The following PIP5K1B variants were observed in gnomAD, a reference collection of about 807,000 sequenced individuals.
The protein encoded by PIP5K1B is phosphatidylinositol 4-phosphate 5-kinase type-1 beta.
PIP5K1B carries 42 observed loss-of-function variants against 67.0 expected under a neutral mutation model. That is an observed-to-expected ratio of 0.63 (90% CI 0.49 to 0.81). The LOEUF (loss-of-function observed/expected upper bound fraction) is 0.81, where lower values mean the gene tolerates loss of function less well. Among genes scored for constraint, PIP5K1B ranks in the 30% least tolerant of loss-of-function variants. The pLI is 0.00. For synonymous variants in PIP5K1B, 214 were observed against 231.4 expected, an observed-to-expected ratio of 0.92 and a Z score of 0.68; for missense variants, 459 against 646.3, an observed-to-expected ratio of 0.71 and a Z score of 3.14.
rs1833043495 is a variant in PIP5K1B at position 68,809,458 on chromosome 9, A to G, written c.-85-9003A>G. Among the ~76,000 whole-genome samples, 3 of 152,280 alleles carry G rather than the reference A, an allele frequency of 2.0e-5. No homozygotes were observed. In the South Asian group the frequency reaches 6.2e-4, roughly 32 times the overall value. On this transcript the variant is annotated intron_variant, in intron 2 of 15. Coordinates refer to ENST00000265382, the MANE Select transcript of PIP5K1B (RefSeq NM_003558.4). ...CCTAGGTTTTCATGAATCCATATAAATTTCCACACATTTGTTTTTTATTCT... is the reference window on the plus strand; with the variant it reads ...CCTAGGTTTTCATGAATCCATATAAGTTTCCACACATTTGTTTTTTATTCT...
intron 8 of PIP5K1B, among the ~76,000 whole-genome samples, chr9:68,902,166 C>T (rs7855908): frequency 0.88 from 133,997 of 152,150 alleles, 59,925 homozygotes; most frequent in Non-Finnish European, 0.96. Context: ...TGTGCAATTT[C>T]AGACGTACAT....
chr9:68,708,539 C>CCA (rs1554702632), intron 1 of PIP5K1B, among the ~76,000 whole-genome samples: 2 of 71,582 alleles, frequency 2.8e-5, no homozygotes, highest in African/African-American at 1.6e-4. Flanking sequence ...CTTTTGTTTG[C>CCA]CGCCCCCCCG....
intron 11 of PIP5K1B, among the ~76,000 whole-genome samples, chr9:68,920,765 G>GTCTCTCTC (rs763092380): frequency 5.6e-4 from 81 of 145,434 alleles, no homozygotes; most frequent in Admixed American, 1.1e-3. Context: ...TTCCGTCTCT[G>GTCTCTCTC]TCTCTCTGTC....
intron 2 of PIP5K1B, among the ~76,000 whole-genome samples, chr9:68,797,657 C>T (rs555444649): frequency 3.3e-5 from 5 of 152,240 alleles, no homozygotes; most frequent in African/African-American, 1.2e-4. Context: ...ATACTATTTT[C>T]CTGTCTTGGA....
intron 14 of PIP5K1B, among the ~76,000 whole-genome samples, chr9:68,965,338 C>T (rs992889071): frequency 6.6e-6 from 1 of 152,162 alleles, no homozygotes; most frequent in Non-Finnish European, 1.5e-5. Context: ...GAAAGGCTAA[C>T]GTTCTAATAG....
chr9:68,711,429 A>G lies in PIP5K1B; in HGVS notation c.-243+5667A>G, dbSNP rs114235601. 7.0e-3 allele frequency among the ~76,000 whole-genome samples: 1,065 copies of G among 152,368 alleles called. 12 individuals carry two copies. The highest frequency in any genetic ancestry group is 0.025 in the African/African-American group (1,027 of 41,588). ...ATCATAGGTGTTCAGCAAATATTTG[A>G]CAATGGAAAAGGTTAAGCATCATGT... On this transcript the variant is annotated intron_variant, in intron 1 of 15. Transcript: ENST00000265382.
chr9:68,909,612 T>A (rs1406274451), intron 8 of PIP5K1B, among the ~76,000 whole-genome samples: 1 of 152,220 alleles, frequency 6.6e-6, no homozygotes, highest in Non-Finnish European at 1.5e-5. Context: ...GATATTGGTT[T>A]GTTTATCCCA....
chr9:68,895,201 C>T (rs908609243), intron 8 of PIP5K1B, among the ~76,000 whole-genome samples: 3 of 149,272 alleles, frequency 2.0e-5, no homozygotes, highest in African/African-American at 5.0e-5. Context: ...AGACACCATT[C>T]CATGCAAACT....
intron 2 of PIP5K1B, chr9:68,788,422 G>A: frequency 2.3e-5 from 13 of 570,074 alleles, no homozygotes; most frequent in South Asian, 2.2e-4. Context: ...GCCAGCTGCT[G>A]CATCTTAACT....
intron 1 of PIP5K1B, among the ~76,000 whole-genome samples, chr9:68,724,401 A>G (rs1352284045): frequency 1.3e-5 from 2 of 151,776 alleles, no homozygotes; most frequent in Non-Finnish European, 2.9e-5. Context: ...TACAGATTTT[A>G]GGATTGTTTT....
At chr9:68,906,319 A>G (rs1825609240) in intron 8 of PIP5K1B, among the ~76,000 whole-genome samples, 1 of 152,146 alleles carries the variant, frequency 6.6e-6, no homozygotes, top group Non-Finnish European at 1.5e-5. Context: ...GTACTCGGCC[A>G]AATTTAGTGT....
chr9:68,824,181 C>T (rs574519521), intron 4 of PIP5K1B: 23 of 518,984 alleles, frequency 4.4e-5, no homozygotes, highest in Non-Finnish European at 6.5e-5. Context: ...GAGATGATTA[C>T]GTTGCTAGCC....
At chr9:68,923,017 A>T (rs1826488774) in intron 11 of PIP5K1B, among the ~76,000 whole-genome samples, 1 of 152,168 alleles carries the variant, frequency 6.6e-6, no homozygotes, top group Non-Finnish European at 1.5e-5. Context: ...TGTTATGAAT[A>T]AGGGCAGCTG....
At position 68,729,614 on chromosome 9, in the gene PIP5K1B, C is replaced by T. The variant is rs377542518; in HGVS notation, c.-242-12887C>T. ...AGGTATGTGTATAATTATACAAGAACTAACCTTTATTTGGATAAATGGCCA... is the reference window on the plus strand; with the variant it reads ...AGGTATGTGTATAATTATACAAGAATTAACCTTTATTTGGATAAATGGCCA... On this transcript the variant is annotated intron_variant, in intron 1 of 15. Coordinates refer to ENST00000265382, the MANE Select transcript of PIP5K1B (RefSeq NM_003558.4). Among the ~76,000 whole-genome samples the T allele has an allele frequency of 1.1e-4, 17 of 152,244 alleles. No homozygotes were observed. In the East Asian group the frequency reaches 3.1e-3, roughly 28 times the overall value.
intron 4 of PIP5K1B, among the ~76,000 whole-genome samples, chr9:68,831,591 A>C (rs1344295057): frequency 6.6e-6 from 1 of 152,240 alleles, no homozygotes; most frequent in Non-Finnish European, 1.5e-5. Context: ...CAAGACATTA[A>C]AACAGTGATT....
intron 2 of PIP5K1B, among the ~76,000 whole-genome samples, chr9:68,786,555 T>C (rs972020190): frequency 6.6e-6 from 1 of 152,122 alleles, no homozygotes; most frequent in Non-Finnish European, 1.5e-5. Context: ...CTAGTGCTGC[T>C]ACTTCTGTTT....
intron 2 of PIP5K1B, among the ~76,000 whole-genome samples, chr9:68,787,435 C>T (rs1446233209): frequency 6.6e-6 from 1 of 152,086 alleles, no homozygotes; most frequent in African/African-American, 2.4e-5. Flanking sequence ...AGCAGAAGGA[C>T]CAGAAAGAAA....
At chr9:68,858,932 T>TA (rs1822917602) in intron 4 of PIP5K1B, among the ~76,000 whole-genome samples, 1 of 152,270 alleles carries the variant, frequency 6.6e-6, no homozygotes, top group Admixed American at 6.5e-5. Context: ...ATGGTTTGCT[T>TA]AGGCATTTGG....
chr9:69,004,323 G>A (rs1184600288), intron 15 of PIP5K1B, among the ~76,000 whole-genome samples: 1 of 111,394 alleles, frequency 9.0e-6, no homozygotes, highest in African/African-American at 3.1e-5. Flanking sequence ...TTGTGGGCGT[G>A]TGTGTGTGTG....
Sources: gnomAD v4.1 joint callset for allele counts (sites outside exome capture counted in the v4.1 genomes callset) on GRCh38, gnomAD v4.1.1 for gene constraint, MANE v1.5 for transcripts, NCBI Gene and HGNC (gene_info 2026-07-23, HGNC 2026-07-21) for gene names.